HGD: variants seen among roughly 807,000 people sequenced by gnomAD.
HGD encodes homogentisate oxidase.
In HGD, 61 loss-of-function variants were observed where a neutral mutation model predicts 60.8. The observed-to-expected ratio is 1.00, with a 90% CI of 0.82 to 1.24. The LOEUF (loss-of-function observed/expected upper bound fraction) is 1.24. Ranked by LOEUF, HGD falls within the 50% of genes most tolerant of loss-of-function variation. The pLI, the probability that HGD is intolerant of heterozygous loss-of-function variation, is 0.00. For missense variants in HGD, 542 were observed against 547.1 expected, an observed-to-expected ratio of 0.99 and a Z score of 0.09; for synonymous variants, 212 against 187.7, an observed-to-expected ratio of 1.13 and a Z score of -1.06.
chr3:120,663,686 T>G (rs1707830915), intron 4 of HGD, among the ~76,000 whole-genome samples: 1 of 152,184 alleles, frequency 6.6e-6, no homozygotes, highest in Non-Finnish European at 1.5e-5. Context: ...TGTTCCAGGC[T>G]GGGATGTAGA....
At chr3:120,641,094 T>A (rs1305696496) in intron 11 of HGD, among the ~76,000 whole-genome samples, 1 of 152,198 alleles carries the variant, frequency 6.6e-6, no homozygotes, top group Non-Finnish European at 1.5e-5. Flanking sequence ...ACTCAAGCAC[T>A]GAAAGTTATG....
intron 6 of HGD, among the ~76,000 whole-genome samples, chr3:120,650,123 T>C (rs1007319802): frequency 6.6e-6 from 1 of 152,228 alleles, no homozygotes; most frequent in Non-Finnish European, 1.5e-5. Context: ...GTTGTGCACA[T>C]TTTAAACCAA....
At chr3:120,655,984 T>C (rs1941484642) in intron 4 of HGD, among the ~76,000 whole-genome samples, 3 of 152,198 alleles carry the variant, frequency 2.0e-5, no homozygotes, top group African/African-American at 7.2e-5. Flanking sequence ...CTCTTCCAAA[T>C]TTGTGTGTTG....
chr3:120,633,230 T>C lies in HGD; in HGVS notation c.1105A>G (p.Thr369Ala), dbSNP rs1397152497. 6.2e-7 allele frequency: 1 copy of C among 1,613,720 alleles called. No homozygotes were observed. Among genetic ancestry groups the C allele is most frequent in the South Asian group, 1.1e-5 (1 of 91,060 alleles). ...CAGTCAGCATCAGGTCCATGGGGGG[T>C]CATTGTGCTGTGTAGACTCCCTCCC... is the stretch of plus-strand genomic sequence containing the variant. ...PGGGSLHSTM[T>A]PHGPDADCFE... Residue 369 changes from threonine (T) to alanine (A), a missense_variant, in exon 13 of 14, where the codon ACC (threonine) becomes GCC (alanine). By Grantham distance (58) the Thr-to-Ala change is moderately conservative (BLOSUM62 0). Around this residue, in one of 2 missense-constraint regions of HGD, gnomAD observed 537 missense variants for 529.1 expected, o/e 1.01. Coordinates refer to ENST00000283871, the MANE Select transcript of HGD (RefSeq NM_000187.4).
intron 9 of HGD, among the ~76,000 whole-genome samples, chr3:120,645,341 G>A (rs1355493620): frequency 6.6e-6 from 1 of 152,160 alleles, no homozygotes; most frequent in Non-Finnish European, 1.5e-5. Flanking sequence ...ATTCCTCAGA[G>A]GAGCTGACCA....
Position 120,654,328 on chromosome 3 carries a change from G to T in HGD, c.283-1677C>A, listed in dbSNP as rs193244591. 1.2e-3 allele frequency among the ~76,000 whole-genome samples: 185 copies of T among 152,280 alleles called. 1 individual carries two copies. The highest frequency in any genetic ancestry group is 4.2e-3 in the African/African-American group (175 of 41,540). On this transcript the variant is annotated intron_variant, in intron 4 of 13. Transcript: ENST00000283871. ...CCTGGCCACTCATGAGAATCACATG[G>T]AGAGCCTTTGAGACCAAGACCAAAT...
intron 4 of HGD, among the ~76,000 whole-genome samples, chr3:120,665,167 C>T (rs1296066433): frequency 6.6e-6 from 1 of 152,106 alleles, no homozygotes; most frequent in African/African-American, 2.4e-5. Flanking sequence ...CAGCAAATAC[C>T]CTGTAAGGGT....
At position 120,675,874 on chromosome 3, in the gene HGD, CA is replaced by C. The variant is rs1460288289; in HGVS notation, c.16-12del. 5 of 1,605,706 alleles carry C rather than the reference CA, an allele frequency of 3.1e-6. No individual in the cohort carries two copies. The highest frequency in any genetic ancestry group is 4.3e-6 in the Non-Finnish European group (5 of 1,172,422). ...AAATCCAGAAATGTACTGTAGGTGA[CA>C]AAGACACAAATGCCACCATTAGCAG... On this transcript the variant is annotated splice_polypyrimidine_tract_variant and intron_variant, in intron 1 of 13. Transcript: ENST00000283871.
Position 120,633,194 on chromosome 3 carries a change from C to T in HGD, c.1141G>A (p.Ala381Thr). The T allele has an allele frequency of 6.2e-7, 1 of 1,614,064 alleles. No individual in the cohort carries two copies. Among genetic ancestry groups the T allele is most frequent in the South Asian group, 1.1e-5 (1 of 91,076 alleles). The change falls in exon 13 of 14, where the codon GCC (alanine) becomes ACC (threonine). Residue 381 changes from alanine to threonine, a missense_variant. Physicochemically the swap from Ala to Thr is moderately conservative, Grantham distance 58. This residue lies in a region of HGD where 537 missense variants were observed against 529.1 expected (regional missense o/e 1.01). Transcript: ENST00000283871. ...TCAGGTGCCAGCTTGACCTTGCTGG[C>T]CTTCTCAAAGCAGTCAGCATCAGGT... ...HGPDADCFEK[A>T]SKVKLAPERI...
At chr3:120,649,522 T>C (rs970411296) in intron 6 of HGD, among the ~76,000 whole-genome samples, 4 of 152,176 alleles carry the variant, frequency 2.6e-5, no homozygotes, top group Admixed American at 1.3e-4. Flanking sequence ...AGGTGTATTC[T>C]AAATGGTCTA....
At chr3:120,648,021 G>A in intron 6 of HGD, 110 bp from the exon 7 acceptor site, 1 of 903,624 alleles carries the variant, frequency 1.1e-6, no homozygotes, top group East Asian at 2.4e-5. Context: ...TCAGAGCTGG[G>A]TATAAAATGG....
intron 5 of HGD, among the ~76,000 whole-genome samples, chr3:120,652,249 T>C (rs899945060): frequency 1.3e-5 from 2 of 152,110 alleles, no homozygotes; most frequent in Non-Finnish European, 1.5e-5. Flanking sequence ...TTATTTTATA[T>C]ATTTATAAAC....
At position 120,631,570 on chromosome 3, in the gene HGD, C is replaced by T. The variant is rs533504652; in HGVS notation, c.1188+1577G>A. Among the ~76,000 whole-genome samples the T allele has an allele frequency of 4.7e-4, 72 of 152,276 alleles. No homozygotes were observed. The South Asian group carries it at 0.015, about 31-fold the overall frequency. On this transcript the variant is annotated intron_variant, in intron 13 of 13. Transcript: ENST00000283871. ...CATACAAGGATCATTATGGCCATTG[C>T]TATTGTCTCTTTGCTGACTGCTTCT...
Position 120,647,014 on chromosome 3 carries a change from C to T in HGD, c.508G>A (p.Gly170Ser). 6.2e-7 allele frequency: 1 copy of T among 1,614,078 alleles called. No individual in the cohort carries two copies. Among genetic ancestry groups the T allele is most frequent in the Non-Finnish European group, 8.5e-7 (1 of 1,179,980 alleles). The stretch of plus-strand genomic sequence containing the variant: ...TCATTGGGCTGTACAAGCATCTTGC[C>T]AAACTCGGTGTAAATGAGAAGGTTC... ...KGNLLIYTEF[G>S]KMLVQPNEIC... Residue 170 changes from glycine (G) to serine (S), a missense_variant, in exon 8 of 14, where the codon GGC (glycine) becomes AGC (serine). Gly to Ser is a moderately conservative substitution (Grantham distance 56, BLOSUM62 0). This residue lies in a region of HGD where 537 missense variants were observed against 529.1 expected (regional missense o/e 1.01). Coordinates refer to ENST00000283871, the MANE Select transcript of HGD (RefSeq NM_000187.4).
At chr3:120,635,371 G>T (rs915320840) in intron 12 of HGD, among the ~76,000 whole-genome samples, 1 of 151,238 alleles carries the variant, frequency 6.6e-6, no homozygotes, top group Non-Finnish European at 1.5e-5. Context: ...CAGCTACTCA[G>T]GAGGCTGAGG....
chr3:120,662,125 G>A (rs1453894228), intron 4 of HGD, among the ~76,000 whole-genome samples: 1 of 152,206 alleles, frequency 6.6e-6, no homozygotes, highest in Non-Finnish European at 1.5e-5. Context: ...ATGGAAGTGA[G>A]TGGAGAGTCT....
chr3:120,657,465 T>G (rs1941530879), intron 4 of HGD, among the ~76,000 whole-genome samples: 1 of 152,156 alleles, frequency 6.6e-6, no homozygotes, highest in Non-Finnish European at 1.5e-5. Context: ...TCCCTCCAAA[T>G]TTCCCATGGA....
chr3:120,672,188 AAG>A (rs772306862), intron 3 of HGD, among the ~76,000 whole-genome samples: 11 of 152,298 alleles, frequency 7.2e-5, no homozygotes, highest in Non-Finnish European at 1.3e-4. Flanking sequence ...CTAAAATTAT[AAG>A]AGTGTATGTC....
intron 4 of HGD, among the ~76,000 whole-genome samples, chr3:120,669,677 T>A (rs1707982576): frequency 6.6e-6 from 1 of 152,210 alleles, no homozygotes; most frequent in South Asian, 2.1e-4. Flanking sequence ...ATCTGGCTAT[T>A]TCTGTACCTC....
Sources: gnomAD v4.1 joint callset for allele counts (sites outside exome capture counted in the v4.1 genomes callset) on GRCh38, gnomAD v4.1.1 for gene constraint, gnomAD v4.1.1 regional missense constraint, MANE v1.5 for transcripts, NCBI Gene and HGNC (gene_info 2026-07-23, HGNC 2026-07-21) for gene names.